OPA1: variants seen among roughly 807,000 people sequenced by gnomAD.
OPA1 encodes dynamin-like GTPase OPA1, mitochondrial.
A neutral mutation model predicts 152.9 loss-of-function variants in OPA1; 59 were observed. That is an observed-to-expected ratio of 0.39 (90% CI 0.31 to 0.48). The LOEUF (loss-of-function observed/expected upper bound fraction) is 0.48. OPA1 is among the 20% of genes least tolerant of loss of function. The pLI, the probability that OPA1 is intolerant of heterozygous loss-of-function variation, is 0.96. For synonymous variants in OPA1, 400 were observed against 389.9 expected, an observed-to-expected ratio of 1.03 and a Z score of -0.31; for missense variants, 1,008 against 1,216.8, an observed-to-expected ratio of 0.83 and a Z score of 2.55.
rs780773698 is a variant in OPA1 at position 193,664,985 on chromosome 3, G to A, written c.2767G>A (p.Val923Ile). ...TTTTTATTACTACCAAAGGCATTTTGTAGATTCTGAGGTAAGGTTTCCAAA... is the reference window on the plus strand; with the variant it reads ...TTTTTATTACTACCAAAGGCATTTTATAGATTCTGAGGTAAGGTTTCCAAA... The part of the protein sequence containing the change: ...RGFYYYQRHF[V>I]DSELECNDVV... Residue 923 changes from valine to isoleucine, a missense_variant, in exon 27 of 31, where the codon GTA becomes ATA. By Grantham distance (29) the Val-to-Ile change is conservative (BLOSUM62 3). Around this residue, in one of 7 missense-constraint regions of OPA1, gnomAD observed 137 missense variants for 171.0 expected, o/e 0.80. Transcript: ENST00000361510. 1 of 1,568,400 alleles carries A rather than the reference G, an allele frequency of 6.4e-7. No individual in the cohort carries two copies. The highest frequency in any genetic ancestry group is 1.7e-5 in the Admixed American group (1 of 59,856).
At chr3:193,661,652 C>T (rs1715300297) in intron 25 of OPA1, among the ~76,000 whole-genome samples, 1 of 152,180 alleles carries the variant, frequency 6.6e-6, no homozygotes, top group African/African-American at 2.4e-5. Context: ...AAATTCATCC[C>T]TTTGAAACAT....
chr3:193,674,107 A>G (rs918600369), intron 29 of OPA1, among the ~76,000 whole-genome samples: 3 of 152,196 alleles, frequency 2.0e-5, no homozygotes, highest in Admixed American at 1.3e-4. Flanking sequence ...AGCATCTCCC[A>G]GACAGCGAGC....
chr3:193,596,415 C>CTTCTTTTT (rs1725599534), intron 1 of OPA1, among the ~76,000 whole-genome samples: 1 of 126,786 alleles, frequency 7.9e-6, no homozygotes. Flanking sequence ...CTTTTCTTTT[C>CTTCTTTTT]TTTTCTTTCA....
intron 27 of OPA1, 92 bp downstream of exon 27, chr3:193,665,088 G>C (rs970591386): frequency 4.2e-5 from 31 of 743,546 alleles, no homozygotes; most frequent in Non-Finnish European, 6.3e-5. Flanking sequence ...TTAATTTTAA[G>C]TCCTTTGATC....
At chr3:193,634,093 G>A (rs899384905) in intron 8 of OPA1, among the ~76,000 whole-genome samples, 1 of 151,916 alleles carries the variant, frequency 6.6e-6, no homozygotes, top group Non-Finnish European at 1.5e-5. Flanking sequence ...AAAATTGTAA[G>A]GAATATTTTT....
intron 25 of OPA1, among the ~76,000 whole-genome samples, chr3:193,661,174 T>C (rs1022679290): frequency 3.9e-5 from 6 of 152,142 alleles, no homozygotes; most frequent in African/African-American, 1.4e-4. Context: ...TTAAAGTCAG[T>C]GCAAAGGGTC....
chr3:193,668,334 C>A lies in OPA1; in HGVS notation c.2983+1054C>A, dbSNP rs758008229. The A allele has an allele frequency of 2.6e-6, 4 of 1,550,970 alleles. No individual in the cohort carries two copies. In the African/African-American group the frequency reaches 5.5e-5, roughly 21 times the overall value. On this transcript the variant is annotated intron_variant, in intron 29 of 30. Coordinates refer to ENST00000361510, the MANE Select transcript of OPA1 (RefSeq NM_130837.3). ...TTGCAGAAATGTTCTTTTTCCCCAGCTCGGACTCAACACTACACACCAGGC... is the reference window on the plus strand; with the variant it reads ...TTGCAGAAATGTTCTTTTTCCCCAGATCGGACTCAACACTACACACCAGGC...
At chr3:193,688,332 G>T (rs1288317251) in intron 29 of OPA1, among the ~76,000 whole-genome samples, 2 of 151,852 alleles carry the variant, frequency 1.3e-5, no homozygotes, top group Non-Finnish European at 2.9e-5. Context: ...TCTCAAGAGG[G>T]CATCATTTTC....
At chr3:193,691,912 G>A in intron 29 of OPA1, 151 bp from the exon 30 acceptor site, 1 of 589,200 alleles carries the variant, frequency 1.7e-6, no homozygotes, top group Non-Finnish European at 3.1e-6. Flanking sequence ...AATCCATCTG[G>A]ACTTTATTTG....
At chr3:193,657,934 ATT>A (rs1714249271) in intron 23 of OPA1, among the ~76,000 whole-genome samples, 1 of 152,190 alleles carries the variant, frequency 6.6e-6, no homozygotes, top group African/African-American at 2.4e-5. Flanking sequence ...TGTAATTATA[ATT>A]TTGTTTTAAA....
intron 29 of OPA1, among the ~76,000 whole-genome samples, chr3:193,686,890 T>A (rs1424313712): frequency 1.3e-5 from 2 of 152,198 alleles, no homozygotes; most frequent in African/African-American, 4.8e-5. Context: ...TTGCTTAAAG[T>A]ACACTGCATT....
At chr3:193,656,959 A>G (rs1029297289) in intron 22 of OPA1, 121 bp from the exon 23 acceptor site, 1 of 882,668 alleles carries the variant, frequency 1.1e-6, no homozygotes, top group African/African-American at 1.7e-5. Flanking sequence ...AGTTTCACAT[A>G]TATTTTCTGA....
chr3:193,661,260 T>A (rs1715201644), intron 25 of OPA1, among the ~76,000 whole-genome samples: 1 of 152,158 alleles, frequency 6.6e-6, no homozygotes, highest in Admixed American at 6.5e-5. Flanking sequence ...GCAGCATGTG[T>A]GAGACCCAGG....
intron 15 of OPA1, 58 bp from the exon 16 acceptor site, chr3:193,643,917 T>C: frequency 1.3e-6 from 2 of 1,574,586 alleles, no homozygotes; most frequent in Non-Finnish European, 1.7e-6. Context: ...TGTACTGAGT[T>C]TTAAAAGTCT....
At chr3:193,648,545 C>T (rs141266437) in intron 20 of OPA1, 52 of 445,680 alleles carry the variant, frequency 1.2e-4, no homozygotes, top group African/African-American at 9.1e-4. Context: ...TTTCACATAA[C>T]GTGAACAAGT....
rs775322999 is a variant in OPA1, at chr3:193,648,882, G to A, written c.2012+11G>A. The A allele has an allele frequency of 2.0e-6, 3 of 1,522,170 alleles. No individual in the cohort carries two copies. The highest frequency in any genetic ancestry group is 2.7e-6 in the Non-Finnish European group (3 of 1,096,574). The allele number at this position is 1,522,170 out of a possible 1,614,324, so 94.3% of individuals were successfully genotyped here. A position where few individuals can be genotyped will look rare whatever the true frequency, so the allele number is the denominator to read the frequency against. ...TACACCAAAACATTGGTAAGTATTT[G>A]ATATTAATCTCTTTTCTGAAAGACT... is the stretch of plus-strand genomic sequence containing the variant. On this transcript the variant is annotated intron_variant, in intron 21 of 30. Transcript: ENST00000361510.
intron 7 of OPA1, among the ~76,000 whole-genome samples, chr3:193,628,015 C>T (rs756343701): frequency 1.7e-4 from 26 of 151,946 alleles, no homozygotes; most frequent in Non-Finnish European, 7.4e-5. Flanking sequence ...CTTACTATCC[C>T]GAAAGACTGT....
chr3:193,653,053 A>G (rs1362789542), intron 21 of OPA1, among the ~76,000 whole-genome samples: 1 of 152,200 alleles, frequency 6.6e-6, no homozygotes, highest in African/African-American at 2.4e-5. Flanking sequence ...TTCAACTTTC[A>G]GTAATCTTCT....
intron 29 of OPA1, among the ~76,000 whole-genome samples, chr3:193,685,934 A>G (rs79770584): frequency 0.034 from 5,211 of 152,344 alleles, 336 homozygotes; most frequent in African/African-American, 0.12. Flanking sequence ...CGGCGAATAC[A>G]ACATTGTCAT....
Sources: allele counts gnomAD v4.1 joint callset (sites outside exome capture counted in the v4.1 genomes callset), GRCh38; gene constraint gnomAD v4.1.1; regional missense constraint gnomAD v4.1.1; transcripts MANE v1.5; gene names NCBI Gene and HGNC (gene_info 2026-07-23, HGNC 2026-07-21).